Variants in ADCY8 observed in about 807,000 individuals in gnomAD.
The protein encoded by ADCY8 is adenylate cyclase type 8.
ADCY8 carries 51 observed loss-of-function variants against 119.7 expected under a neutral mutation model. The ratio of observed to expected loss-of-function variants is 0.43; its 90% confidence interval spans 0.34 to 0.54. The LOEUF is 0.54. ADCY8 is among the 20% of genes least tolerant of loss of function. ADCY8 has a pLI of 0.03. For missense variants in ADCY8, 1,383 were observed against 1,598.8 expected (o/e 0.87, Z 2.30); for synonymous variants, 665 against 651.0 (o/e 1.02, Z -0.33).
rs1423229954 is a variant in ADCY8, at chr8:130,990,411, C to T, written c.1092G>A (p.Glu364=). Residue 364 remains glutamate (E), a synonymous_variant, in exon 2 of 18, where the codon GAG becomes GAA. Coordinates refer to ENST00000286355, the MANE Select transcript of ADCY8 (RefSeq NM_001115.3). ...RRCVEARLRL[E]TENQRQERLV... Reference sequence around the variant, plus strand: ...TTGGTACCTGTCTTTGGTTCTCTGTCTCCAGGCGCAGCCTGGCCTCCACAC... The same window carrying T: ...TTGGTACCTGTCTTTGGTTCTCTGTTTCCAGGCGCAGCCTGGCCTCCACAC... 3 of 1,614,058 alleles carry T rather than the reference C, an allele frequency of 1.9e-6. No homozygotes were observed. The African/African-American group carries it at 4.0e-5, about 22-fold the overall frequency.
intron 13 of ADCY8, among the ~76,000 whole-genome samples, chr8:130,814,769 TG>T (rs756244291): frequency 3.9e-5 from 6 of 152,150 alleles, no homozygotes; most frequent in Non-Finnish European, 5.9e-5. Context: ...GAGAACAGTA[TG>T]GGGGAAACTG....
At chr8:130,836,565 A>C (rs1244936257) in intron 11 of ADCY8, 116 bp from the exon 12 acceptor site, 2 of 1,112,614 alleles carry the variant, frequency 1.8e-6, no homozygotes, top group Non-Finnish European at 1.3e-6. Flanking sequence ...TGGAGGTCTC[A>C]AGGCCTCCTG....
intron 9 of ADCY8, among the ~76,000 whole-genome samples, chr8:130,855,099 GTCTC>G (rs374605470): frequency 0.091 from 13,326 of 146,292 alleles, 1,520 homozygotes; most frequent in African/African-American, 0.27. Flanking sequence ...GGTAAGCACT[GTCTC>G]TCTCTCTCTC....
chr8:130,858,880 A>G (rs1369542560), intron 9 of ADCY8, among the ~76,000 whole-genome samples: 3 of 151,556 alleles, frequency 2.0e-5, no homozygotes, highest in African/African-American at 7.3e-5. Context: ...TCCCTTTGAA[A>G]TACTCCCATT....
At chr8:130,966,700 C>T (rs1414902802) in intron 2 of ADCY8, among the ~76,000 whole-genome samples, 1 of 152,218 alleles carries the variant, frequency 6.6e-6, no homozygotes, top group African/African-American at 2.4e-5. Context: ...AACCCTACCT[C>T]TGCCCCTCTC....
intron 1 of ADCY8, among the ~76,000 whole-genome samples, chr8:131,013,125 T>C (rs1224390510): frequency 6.6e-6 from 1 of 152,242 alleles, no homozygotes; most frequent in African/African-American, 2.4e-5. Context: ...TAAGCATTTA[T>C]TGAGTCCCAA....
chr8:130,848,755 C>T (rs1817415635), intron 10 of ADCY8, among the ~76,000 whole-genome samples: 1 of 152,168 alleles, frequency 6.6e-6, no homozygotes. Flanking sequence ...AATCTAGCTG[C>T]CTGAGTCATG....
intron 1 of ADCY8, 28 bp from the exon 2 acceptor site, chr8:130,990,570 C>G (rs780127273): frequency 1.3e-6 from 2 of 1,596,366 alleles, no homozygotes; most frequent in Admixed American, 3.5e-5. Context: ...TGGTCAGGCG[C>G]TTAAAACAAA....
chr8:130,969,640 G>T (rs896263968), intron 2 of ADCY8, among the ~76,000 whole-genome samples: 2 of 152,174 alleles, frequency 1.3e-5, no homozygotes, highest in African/African-American at 4.8e-5. Flanking sequence ...TGTAACCTGG[G>T]TGTGCAGCTC....
chr8:130,948,493 G>C (rs1280883546), intron 3 of ADCY8, among the ~76,000 whole-genome samples: 6 of 152,076 alleles, frequency 3.9e-5, no homozygotes, highest in Admixed American at 3.9e-4. Flanking sequence ...TCTTGCCAAG[G>C]GTGTGGCTAC....
intron 15 of ADCY8, among the ~76,000 whole-genome samples, chr8:130,788,982 T>C (rs1032687095): frequency 7.2e-5 from 11 of 152,100 alleles, no homozygotes; most frequent in Non-Finnish European, 1.5e-4. Context: ...AGTAACCTAT[T>C]GTAATAGAAA....
chr8:130,810,241 T>C (rs1198485880), intron 14 of ADCY8, among the ~76,000 whole-genome samples: 1 of 152,116 alleles, frequency 6.6e-6, no homozygotes, highest in East Asian at 1.9e-4. Context: ...CTTTGCCTCT[T>C]ACGGTAACAG....
intron 1 of ADCY8, among the ~76,000 whole-genome samples, chr8:131,027,540 G>A (rs1823859248): frequency 6.6e-6 from 1 of 152,304 alleles, no homozygotes; most frequent in Non-Finnish European, 1.5e-5. Context: ...AGAACAGAAA[G>A]AGCAGGATAG....
At chr8:130,888,376 T>C (rs1490047794) in intron 7 of ADCY8, among the ~76,000 whole-genome samples, 1 of 152,144 alleles carries the variant, frequency 6.6e-6, no homozygotes, top group African/African-American at 2.4e-5. Context: ...AATGATGTTA[T>C]AAATAAATAA....
chr8:130,815,068 C>T (rs1028918636), intron 13 of ADCY8, among the ~76,000 whole-genome samples: 23 of 152,158 alleles, frequency 1.5e-4, no homozygotes, highest in African/African-American at 5.1e-4. Flanking sequence ...GATGAGATTA[C>T]TGCCCTTGTA....
intron 5 of ADCY8, among the ~76,000 whole-genome samples, chr8:130,922,528 A>G (rs1033994687): frequency 7.2e-5 from 11 of 152,152 alleles, no homozygotes; most frequent in Non-Finnish European, 1.3e-4. Context: ...GGTTGGGGGT[A>G]AGGTCACAGA....
At chr8:130,812,048 T>A (rs1243076005) in intron 14 of ADCY8, among the ~76,000 whole-genome samples, 1 of 152,220 alleles carries the variant, frequency 6.6e-6, no homozygotes, top group East Asian at 1.9e-4. Context: ...CTATTGATTC[T>A]ATATCCTAAA....
At chr8:130,864,030 G>A (rs1369835572) in intron 9 of ADCY8, among the ~76,000 whole-genome samples, 1 of 152,018 alleles carries the variant, frequency 6.6e-6, no homozygotes, top group African/African-American at 2.4e-5. Flanking sequence ...TGTAGTTTTT[G>A]TTTTTCTGAG....
intron 3 of ADCY8, among the ~76,000 whole-genome samples, chr8:130,947,766 T>C (rs1265802797): frequency 1.3e-5 from 2 of 152,206 alleles, no homozygotes; most frequent in Non-Finnish European, 2.9e-5. Flanking sequence ...ACAAAATGTA[T>C]GTCAGCAAAT....
Sources: allele counts gnomAD v4.1 joint callset (sites outside exome capture counted in the v4.1 genomes callset), GRCh38; gene constraint gnomAD v4.1.1; transcripts MANE v1.5; gene names NCBI Gene and HGNC (gene_info 2026-07-23, HGNC 2026-07-21).